The following IMMP2L variants were observed in gnomAD, a reference collection of about 807,000 sequenced individuals.
IMMP2L encodes inner mitochondrial membrane peptidase subunit 2, also known as mitochondrial inner membrane protease subunit 2.
A neutral mutation model predicts 19.3 loss-of-function variants in IMMP2L; 18 were observed. The observed-to-expected ratio is 0.93, with a 90% CI of 0.64 to 1.38. The LOEUF is 1.38. Ranked by LOEUF, IMMP2L falls within the 40% of genes most tolerant of loss-of-function variation. IMMP2L has a pLI of 0.00. For missense variants in IMMP2L, 233 were observed against 218.2 expected (o/e 1.07, Z -0.43); for synonymous variants, 76 against 73.0 (o/e 1.04, Z -0.21).
intron 3 of IMMP2L, among the ~76,000 whole-genome samples, chr7:111,224,033 A>C (rs1226620846): frequency 2.0e-5 from 3 of 152,144 alleles, no homozygotes; most frequent in Admixed American, 6.6e-5. Flanking sequence ...CTGAATATAG[A>C]AAACAGAGCA....
chr7:111,274,026 G>A (rs141905226), intron 3 of IMMP2L, among the ~76,000 whole-genome samples: 2 of 152,142 alleles, frequency 1.3e-5, no homozygotes, highest in East Asian at 3.9e-4. Flanking sequence ...GGAAGAAAAT[G>A]TGCTTCCCTA....
At chr7:111,164,498 T>C (rs1586648178) in intron 3 of IMMP2L, among the ~76,000 whole-genome samples, 1 of 150,714 alleles carries the variant, frequency 6.6e-6, no homozygotes, top group Middle Eastern at 3.4e-3. Context: ...GCTCAGAGAT[T>C]GACACCAGAT....
chr7:111,515,002 C>T (rs1048323275), intron 2 of IMMP2L, among the ~76,000 whole-genome samples: 5 of 152,116 alleles, frequency 3.3e-5, no homozygotes, highest in African/African-American at 4.8e-5. Context: ...TTTCTTTCAA[C>T]TACATTTAGT....
intron 5 of IMMP2L, among the ~76,000 whole-genome samples, chr7:110,852,979 C>T (rs556815586): frequency 5.9e-5 from 9 of 152,062 alleles, no homozygotes; most frequent in Admixed American, 2.6e-4. Flanking sequence ...ACTGAAGATA[C>T]TGCTGTTTTA....
At chr7:111,388,522 T>C (rs1298403590) in intron 3 of IMMP2L, among the ~76,000 whole-genome samples, 1 of 152,048 alleles carries the variant, frequency 6.6e-6, no homozygotes, top group Non-Finnish European at 1.5e-5. Context: ...GTAATGTACA[T>C]ATGTATTAGT....
At chr7:111,488,602 T>C (rs1303678970) in intron 2 of IMMP2L, among the ~76,000 whole-genome samples, 1 of 152,210 alleles carries the variant, frequency 6.6e-6, no homozygotes, top group Non-Finnish European at 1.5e-5. Flanking sequence ...GCTGGTTCCA[T>C]ATTTTTGCAA....
chr7:110,993,937 G>C (rs935394559), intron 3 of IMMP2L, among the ~76,000 whole-genome samples: 1 of 151,856 alleles, frequency 6.6e-6, no homozygotes, highest in Non-Finnish European at 1.5e-5. Flanking sequence ...TGCCTCTCCA[G>C]TGTCTCTCAT....
intron 3 of IMMP2L, among the ~76,000 whole-genome samples, chr7:111,468,875 C>G (rs1001224057): frequency 6.6e-6 from 1 of 151,950 alleles, no homozygotes; most frequent in African/African-American, 2.4e-5. Flanking sequence ...TGACTTGTGA[C>G]TAAATATGAT....
chr7:110,852,999 A>G (rs1017403234), intron 5 of IMMP2L, among the ~76,000 whole-genome samples: 12 of 152,056 alleles, frequency 7.9e-5, no homozygotes, highest in African/African-American at 2.4e-4. Flanking sequence ...AAACAACTAC[A>G]TCTTGAGTTG....
At chr7:111,124,850 C>T (rs1801108182) in intron 3 of IMMP2L, 2 of 1,609,714 alleles carry the variant, frequency 1.2e-6, no homozygotes, top group Middle Eastern at 1.6e-4. Context: ...AAAAGTACAT[C>T]ACTGAAAGTA....
chr7:111,406,196 A>G (rs1833889081), intron 3 of IMMP2L, among the ~76,000 whole-genome samples: 1 of 152,116 alleles, frequency 6.6e-6, no homozygotes, highest in Non-Finnish European at 1.5e-5. Context: ...ATCTCAATAC[A>G]CAATTTCCAT....
At chr7:111,448,334 AG>A (rs1171754447) in intron 3 of IMMP2L, among the ~76,000 whole-genome samples, 5 of 147,942 alleles carry the variant, frequency 3.4e-5, no homozygotes, top group Admixed American at 6.7e-5. Context: ...CAAATGTAAA[AG>A]AACAGAAATT....
At chr7:111,223,257 A>G (rs1812719621) in intron 3 of IMMP2L, among the ~76,000 whole-genome samples, 2 of 151,958 alleles carry the variant, frequency 1.3e-5, no homozygotes, top group South Asian at 4.1e-4. Context: ...AGTTTTAATT[A>G]TTTTTGTAAT....
At chr7:111,451,309 A>G (rs1383434770) in intron 3 of IMMP2L, among the ~76,000 whole-genome samples, 1 of 150,896 alleles carries the variant, frequency 6.6e-6, no homozygotes, top group African/African-American at 2.5e-5. Context: ...CTTGGAACCA[A>G]CCCAAATGTC....
At chr7:111,198,959 T>C (rs753409487) in intron 3 of IMMP2L, among the ~76,000 whole-genome samples, 9 of 152,102 alleles carry the variant, frequency 5.9e-5, no homozygotes, top group South Asian at 2.1e-4. Flanking sequence ...CAGGTAGAGA[T>C]CTGGAAAACT....
At chr7:110,901,081 A>T (rs1811816147) in intron 4 of IMMP2L, among the ~76,000 whole-genome samples, 1 of 151,776 alleles carries the variant, frequency 6.6e-6, no homozygotes, top group African/African-American at 2.4e-5. Flanking sequence ...TCCTATTTAA[A>T]TATCTTCTCT....
chr7:111,139,537 TA>T (rs993434682), intron 3 of IMMP2L, among the ~76,000 whole-genome samples: 13 of 152,112 alleles, frequency 8.5e-5, no homozygotes, highest in Non-Finnish European at 1.3e-4. Flanking sequence ...AGAGATTTTT[TA>T]AAAATGCTAT....
At chr7:110,830,587 AC>A (rs1284249308) in intron 5 of IMMP2L, among the ~76,000 whole-genome samples, 8 of 152,180 alleles carry the variant, frequency 5.3e-5, no homozygotes, top group Non-Finnish European at 8.8e-5. Flanking sequence ...AACAAAAAAA[AC>A]ATCAAAATAT....
intron 5 of IMMP2L, among the ~76,000 whole-genome samples, chr7:110,714,204 C>T (rs542758682): frequency 1.3e-5 from 2 of 152,178 alleles, no homozygotes; most frequent in Admixed American, 1.3e-4. Flanking sequence ...CTTTTTAATT[C>T]TGTTGATGTG....
Sources: gnomAD v4.1 joint callset for allele counts (sites outside exome capture counted in the v4.1 genomes callset) on GRCh38, gnomAD v4.1.1 for gene constraint, MANE v1.5 for transcripts, NCBI Gene and HGNC (gene_info 2026-07-23, HGNC 2026-07-21) for gene names.